The following SMAD3 variants were observed in gnomAD, a reference collection of about 807,000 sequenced individuals.
SMAD3 encodes the protein MAD homolog 3.
SMAD3 carries 12 observed loss-of-function variants against 51.8 expected under a neutral mutation model. That is an observed-to-expected ratio of 0.23 (90% confidence interval 0.15 to 0.38). The LOEUF (loss-of-function observed/expected upper bound fraction) is 0.38. Ranked by LOEUF, SMAD3 falls within the 10% of genes least tolerant of loss-of-function variation. The pLI is 1.00. For synonymous variants in SMAD3, 238 were observed against 227.7 expected, an observed-to-expected ratio of 1.05 and a Z score of -0.41; for missense variants, 294 against 565.6, an observed-to-expected ratio of 0.52 and a Z score of 4.87.
intron 1 of SMAD3, among the ~76,000 whole-genome samples, chr15:67,103,197 C>T (rs1960799931): frequency 6.6e-6 from 1 of 152,124 alleles, no homozygotes; most frequent in South Asian, 2.1e-4. Flanking sequence ...AACTCCTTGC[C>T]CCTGCCTCCC....
At position 67,066,139 on chromosome 15, in the gene SMAD3, C is replaced by T; in HGVS notation, c.-16C>T. The T allele has an allele frequency of 6.4e-7, 1 of 1,567,268 alleles. No homozygotes were observed. Among genetic ancestry groups the T allele is most frequent in the Non-Finnish European group, 8.6e-7 (1 of 1,157,222 alleles). On this transcript the variant is annotated 5_prime_UTR_variant, in exon 1 of 9. Transcript: ENST00000327367. ...CGCCGGGGGCGCTCCTCGCCGCCCG[C>T]GCGCCCTCCCCAGCCATGTCGTCCA...
chr15:67,103,384 A>G lies in SMAD3; in HGVS notation c.206+37024A>G, dbSNP rs554175538. Among the ~76,000 whole-genome samples the G allele has an allele frequency of 5.3e-5, 8 of 152,342 alleles. No individual in the cohort carries two copies. In the South Asian group the frequency reaches 1.7e-3, roughly 32 times the overall value. Reference sequence around the variant, plus strand: ...CCTTGACTGTATTGAAGACTGCATGATGATCAGGAGAGAGTGAGGGATGAG... The same window carrying G: ...CCTTGACTGTATTGAAGACTGCATGGTGATCAGGAGAGAGTGAGGGATGAG... On this transcript the variant is annotated intron_variant, in intron 1 of 8. Coordinates refer to ENST00000327367, the MANE Select transcript of SMAD3 (RefSeq NM_005902.4).
At chr15:67,088,807 G>A (rs145614850) in intron 1 of SMAD3, among the ~76,000 whole-genome samples, 2,005 of 152,232 alleles carry the variant, frequency 0.013, 44 homozygotes, top group African/African-American at 0.045. Flanking sequence ...GGTGCCTGTA[G>A]TCCCAGCTAC....
intron 5 of SMAD3, among the ~76,000 whole-genome samples, chr15:67,174,061 C>G (rs1303473201): frequency 1.3e-5 from 2 of 152,212 alleles, no homozygotes; most frequent in Non-Finnish European, 2.9e-5. Flanking sequence ...ATGTGGCAGC[C>G]TTTCCCATAG....
At chr15:67,165,216 G>C (rs1331311520) in intron 2 of SMAD3, 37 bp from the exon 3 acceptor site, 7 of 1,614,052 alleles carry the variant, frequency 4.3e-6, no homozygotes, top group Non-Finnish European at 5.9e-6. Flanking sequence ...GTCTGGCATC[G>C]ACACTGAGCC....
intron 1 of SMAD3, among the ~76,000 whole-genome samples, chr15:67,089,676 A>T (rs1054964687): frequency 6.6e-6 from 1 of 152,128 alleles, no homozygotes; most frequent in Non-Finnish European, 1.5e-5. Context: ...TTTCCAACTG[A>T]TGTCACTGGG....
At chr15:67,073,245 A>G (rs543796100) in intron 1 of SMAD3, among the ~76,000 whole-genome samples, 8 of 152,350 alleles carry the variant, frequency 5.3e-5, no homozygotes, top group African/African-American at 1.7e-4. Context: ...TGAGAAATAA[A>G]CAAATCTATA....
chr15:67,090,124 G>A (rs1960479206), intron 1 of SMAD3, among the ~76,000 whole-genome samples: 1 of 152,234 alleles, frequency 6.6e-6, no homozygotes, highest in African/African-American at 2.4e-5. Context: ...GTGACAGGTG[G>A]CACTGGGAGT....
intron 1 of SMAD3, among the ~76,000 whole-genome samples, chr15:67,158,675 G>T (rs975853884): frequency 6.6e-6 from 1 of 152,206 alleles, no homozygotes; most frequent in Non-Finnish European, 1.5e-5. Context: ...GGTGAGGTGG[G>T]ACCATTGTAA....
intron 1 of SMAD3, chr15:67,145,928 C>G (rs1262409111): frequency 6.6e-6 from 1 of 152,222 alleles, no homozygotes; most frequent in South Asian, 2.1e-4. Flanking sequence ...GAGTTCAGCT[C>G]TGCTCCCCTG....
At chr15:67,179,664 C>T (rs1245143970) in intron 5 of SMAD3, among the ~76,000 whole-genome samples, 3 of 152,184 alleles carry the variant, frequency 2.0e-5, no homozygotes, top group Non-Finnish European at 4.4e-5. Flanking sequence ...CAACCAGACC[C>T]CTTCCAGTGG....
intron 1 of SMAD3, among the ~76,000 whole-genome samples, chr15:67,150,978 C>T (rs533683071): frequency 1.3e-5 from 2 of 149,354 alleles, no homozygotes; most frequent in East Asian, 4.0e-4. Flanking sequence ...GCCTCAGCCT[C>T]CCCAGTAGCT....
chr15:67,096,373 A>G (rs986888232), intron 1 of SMAD3, among the ~76,000 whole-genome samples: 1 of 152,218 alleles, frequency 6.6e-6, no homozygotes, highest in African/African-American at 2.4e-5. Context: ...GTACATCACA[A>G]AATGCACATC....
At chr15:67,128,019 G>A (rs1156611528) in intron 1 of SMAD3, 1 of 152,162 alleles carries the variant, frequency 6.6e-6, no homozygotes, top group Non-Finnish European at 1.5e-5. Flanking sequence ...CTGCACCCTT[G>A]GCCAGGAAGT....
chr15:67,150,562 G>T (rs1254679215), intron 1 of SMAD3, among the ~76,000 whole-genome samples: 1 of 152,172 alleles, frequency 6.6e-6, no homozygotes, highest in Non-Finnish European at 1.5e-5. Flanking sequence ...CTCCGATTCG[G>T]GCAGACCTGA....
In SMAD3 at chr15:67,107,061, T is replaced by G. The variant is rs1301392403; in HGVS notation, c.206+40701T>G. On this transcript the variant is annotated intron_variant, in intron 1 of 8. Coordinates refer to ENST00000327367, the MANE Select transcript of SMAD3 (RefSeq NM_005902.4). The stretch of plus-strand genomic sequence containing the variant: ...TCTGTCGGCTTCCCTAGCCCTGACT[T>G]CCCAAGCCTTAGTCATCACCCTCTC... 2.6e-5 allele frequency among the ~76,000 whole-genome samples: 4 copies of G among 151,976 alleles called. No homozygotes were observed. In the East Asian group the frequency reaches 7.8e-4, roughly 30 times the overall value.
At chr15:67,100,899 T>C (rs566350767) in intron 1 of SMAD3, among the ~76,000 whole-genome samples, 10 of 152,302 alleles carry the variant, frequency 6.6e-5, no homozygotes, top group East Asian at 1.9e-4. Context: ...TCACTTTCTA[T>C]TGGGGAAGTC....
chr15:67,128,723 C>T (rs752342223), intron 1 of SMAD3, among the ~76,000 whole-genome samples: 2 of 152,064 alleles, frequency 1.3e-5, no homozygotes, highest in African/African-American at 2.4e-5. Flanking sequence ...AGGTGCACGC[C>T]ACCACACCCA....
chr15:67,154,099 TGG>T, intron 1 of SMAD3, among the ~76,000 whole-genome samples: 1 of 152,280 alleles, frequency 6.6e-6, no homozygotes, highest in South Asian at 2.1e-4. Flanking sequence ...CCCATCTGCC[TGG>T]GGCACTTGTC....
Sources: allele counts gnomAD v4.1 joint callset (sites outside exome capture counted in the v4.1 genomes callset), GRCh38; gene constraint gnomAD v4.1.1; transcripts MANE v1.5; gene names NCBI Gene and HGNC (gene_info 2026-07-23, HGNC 2026-07-21).